KCNAB1: variants seen among roughly 807,000 people sequenced by gnomAD.
KCNAB1 encodes the protein potassium voltage-gated channel subfamily A regulatory beta subunit 1.
In KCNAB1, 35 loss-of-function variants were observed where a neutral mutation model predicts 64.6. The observed-to-expected ratio is 0.54, with a 90% CI of 0.41 to 0.72. The LOEUF (loss-of-function observed/expected upper bound fraction) is 0.72. Ranked by LOEUF, KCNAB1 falls within the 30% of genes least tolerant of loss-of-function variation. The probability of loss-of-function intolerance (pLI) is 0.00; values close to 1 mark genes in which losing one functional copy is unlikely to be tolerated. For synonymous variants in KCNAB1, 177 were observed against 183.8 expected (o/e 0.96, Z 0.30); for missense variants, 401 against 512.9 (o/e 0.78, Z 2.11).
intron 3 of KCNAB1, among the ~76,000 whole-genome samples, chr3:156,454,422 C>A (rs145071220): frequency 6.6e-6 from 1 of 152,238 alleles, no homozygotes; most frequent in South Asian, 2.1e-4. Context: ...AGAGGCTGAT[C>A]GGGAAGCAGG....
At chr3:156,162,477 C>T (rs1716138866) in intron 1 of KCNAB1, among the ~76,000 whole-genome samples, 1 of 152,080 alleles carries the variant, frequency 6.6e-6, no homozygotes, top group Admixed American at 6.5e-5. Context: ...TCCTGATGGT[C>T]TTGAGAGAAC....
Position 156,531,409 on chromosome 3 carries a change from C to T in KCNAB1, c.1082C>T (p.Ala361Val). 6 of 1,610,744 alleles carry T rather than the reference C, an allele frequency of 3.7e-6. No individual in the cohort carries two copies. Among genetic ancestry groups the T allele is most frequent in the Non-Finnish European group, 5.1e-6 (6 of 1,176,834 alleles). ...CTGACCCAGTGTCCTCTCCTCCCAG[C>T]GTGGTGCCTGAGAAATGAAGGTGTG... ...LGCTLPQLAVAWCLRNEGVSS... is the reference protein window; with the variant it reads ...LGCTLPQLAVVWCLRNEGVSS... Residue 361 changes from alanine (A) to valine (V), a missense_variant and splice_region_variant, in exon 13 of 14, where the codon GCG (alanine) becomes GTG (valine). Physicochemically the swap from Ala to Val is moderately conservative, Grantham distance 64 (BLOSUM62 0). Transcript: ENST00000490337.
intron 1 of KCNAB1, among the ~76,000 whole-genome samples, chr3:156,177,623 C>T (rs1315902661): frequency 2.0e-5 from 3 of 152,130 alleles, no homozygotes; most frequent in Non-Finnish European, 2.9e-5. Context: ...GTGATCCGCC[C>T]GCCTTGGCCT....
At chr3:156,513,954 A>C (rs1717387226) in intron 8 of KCNAB1, among the ~76,000 whole-genome samples, 1 of 152,200 alleles carries the variant, frequency 6.6e-6, no homozygotes, top group African/African-American at 2.4e-5. Context: ...TTTCACCTTC[A>C]ATGACCTTAC....
chr3:156,518,080 C>T (rs780441624), intron 11 of KCNAB1, among the ~76,000 whole-genome samples: 1 of 152,118 alleles, frequency 6.6e-6, no homozygotes, highest in Non-Finnish European at 1.5e-5. Context: ...GCTGAAAAAT[C>T]TTTCACAAAT....
chr3:156,301,222 A>T (rs181614635), intron 1 of KCNAB1, among the ~76,000 whole-genome samples: 12,750 of 151,074 alleles, frequency 0.084, 566 homozygotes, highest in Middle Eastern at 0.13. Context: ...TTTTTTTTTT[A>T]AAATGTCTTT....
At chr3:156,419,496 G>A (rs1340340474) in intron 1 of KCNAB1, among the ~76,000 whole-genome samples, 13 of 138,824 alleles carry the variant, frequency 9.4e-5, no homozygotes, top group East Asian at 2.1e-4. Flanking sequence ...GCGAGACTCC[G>A]TCTCAAAAAA....
chr3:156,315,377 C>T (rs1201460159), intron 1 of KCNAB1, among the ~76,000 whole-genome samples: 1 of 152,194 alleles, frequency 6.6e-6, no homozygotes, highest in African/African-American at 2.4e-5. Context: ...GTGGCATTAG[C>T]CAAACCGCTG....
intron 7 of KCNAB1, among the ~76,000 whole-genome samples, chr3:156,471,693 C>T (rs1205384943): frequency 6.6e-6 from 1 of 152,240 alleles, no homozygotes; most frequent in East Asian, 1.9e-4. Context: ...CAGCACTCAA[C>T]AATCATTTGC....
At chr3:156,120,997 C>T in intron 1 of KCNAB1, 111 bp downstream of exon 1, 2 of 1,287,462 alleles carry the variant, frequency 1.6e-6, no homozygotes, top group Non-Finnish European at 2.1e-6. Context: ...GCTCTAATTG[C>T]CTTAGAGATG....
intron 1 of KCNAB1, among the ~76,000 whole-genome samples, chr3:156,250,867 C>A (rs757936568): frequency 1.3e-5 from 2 of 152,156 alleles, no homozygotes; most frequent in Non-Finnish European, 2.9e-5. Context: ...CCAGAATATT[C>A]CTTTAAAGAC....
intron 1 of KCNAB1, among the ~76,000 whole-genome samples, chr3:156,135,813 C>CATGGCA (rs1211823806): frequency 6.6e-6 from 1 of 152,246 alleles, no homozygotes; most frequent in Admixed American, 6.5e-5. Context: ...AGATAAGCCC[C>CATGGCA]ATGGCAGAGC....
At chr3:156,293,078 C>G (rs1720551315) in intron 1 of KCNAB1, among the ~76,000 whole-genome samples, 1 of 152,148 alleles carries the variant, frequency 6.6e-6, no homozygotes, top group African/African-American at 2.4e-5. Context: ...TGTTGTTTTC[C>G]ATAGTTGGAA....
intron 1 of KCNAB1, among the ~76,000 whole-genome samples, chr3:156,355,693 G>C (rs1725185724): frequency 6.6e-6 from 1 of 152,056 alleles, no homozygotes; most frequent in African/African-American, 2.4e-5. Flanking sequence ...ATCATGTACA[G>C]GTTTCTAATA....
At chr3:156,502,625 T>G (rs1189979028) in intron 8 of KCNAB1, among the ~76,000 whole-genome samples, 1 of 151,558 alleles carries the variant, frequency 6.6e-6, no homozygotes, top group Non-Finnish European at 1.5e-5. Flanking sequence ...CTTTACAAAT[T>G]TTAGAAGGAC....
In KCNAB1 at chr3:156,209,381, C is replaced by T. The variant is rs78992844; in HGVS notation, c.275+88495C>T. 1.7e-3 allele frequency among the ~76,000 whole-genome samples: 261 copies of T among 152,284 alleles called. 1 individual carries two copies. The highest frequency in any genetic ancestry group is 6.1e-3 in the African/African-American group (255 of 41,562). On this transcript the variant is annotated intron_variant, in intron 1 of 13. Transcript: ENST00000490337. ...TATTCAAAATAATGGAGAATGCTCT[C>T]CTTTAGGGGAAAAGGTCATGAAAGG...
intron 1 of KCNAB1, among the ~76,000 whole-genome samples, chr3:156,301,928 T>G (rs140963720): frequency 8.1e-4 from 124 of 152,300 alleles, no homozygotes; most frequent in African/African-American, 2.9e-3. Context: ...CTGTATTGGT[T>G]TCCTCTTGCT....
intron 1 of KCNAB1, among the ~76,000 whole-genome samples, chr3:156,363,453 A>T (rs1194365666): frequency 6.6e-6 from 1 of 151,670 alleles, no homozygotes; most frequent in East Asian, 1.9e-4. Flanking sequence ...AGTGTAAGAC[A>T]TCTGCAAATT....
chr3:156,261,678 G>A (rs1279530993), intron 1 of KCNAB1, among the ~76,000 whole-genome samples: 2 of 151,910 alleles, frequency 1.3e-5, no homozygotes, highest in Non-Finnish European at 2.9e-5. Context: ...GATCATGTAA[G>A]TTCTCTTTGT....
Sources: allele counts gnomAD v4.1 joint callset (sites outside exome capture counted in the v4.1 genomes callset), GRCh38; gene constraint gnomAD v4.1.1; transcripts MANE v1.5; gene names NCBI Gene and HGNC (gene_info 2026-07-23, HGNC 2026-07-21).